The following PRKG1 variants were observed in gnomAD, a reference collection of about 807,000 sequenced individuals.
PRKG1 encodes protein kinase cGMP-dependent 1.
A neutral mutation model predicts 88.1 loss-of-function variants in PRKG1; 35 were observed. That is an observed-to-expected ratio of 0.40 (90% CI 0.30 to 0.53). PRKG1 has a LOEUF of 0.53. PRKG1 is among the 20% of genes least tolerant of loss of function. PRKG1 has a pLI of 0.59. For synonymous variants in PRKG1, 303 were observed against 292.5 expected, an observed-to-expected ratio of 1.04 and a Z score of -0.37; for missense variants, 540 against 839.8, an observed-to-expected ratio of 0.64 and a Z score of 4.41.
intron 4 of PRKG1, among the ~76,000 whole-genome samples, chr10:51,868,457 A>G (rs1001706586): frequency 6.6e-6 from 1 of 152,160 alleles, no homozygotes; most frequent in African/African-American, 2.4e-5. Flanking sequence ...TTTAATAGAT[A>G]ATATATTAAG....
chr10:51,751,628 A>G (rs900157821), intron 3 of PRKG1, among the ~76,000 whole-genome samples: 1 of 152,220 alleles, frequency 6.6e-6, no homozygotes, highest in Non-Finnish European at 1.5e-5. Context: ...TTTATTGTCT[A>G]TCTAAAATTC....
intron 5 of PRKG1, among the ~76,000 whole-genome samples, chr10:52,043,661 A>T (rs1490892520): frequency 6.6e-6 from 1 of 151,980 alleles, no homozygotes; most frequent in African/African-American, 2.4e-5. Context: ...AATAATATAT[A>T]TTTCAAAATA....
chr10:52,227,463 G>A (rs1039427777), intron 9 of PRKG1, among the ~76,000 whole-genome samples: 15 of 151,998 alleles, frequency 9.9e-5, no homozygotes, highest in African/African-American at 2.7e-4. Context: ...AACTATTTAC[G>A]TTGTAAATAA....
chr10:51,737,742 TTA>T (rs1491373093), intron 3 of PRKG1, among the ~76,000 whole-genome samples: 430 of 105,418 alleles, frequency 4.1e-3, no homozygotes, highest in African/African-American at 6.4e-3. Context: ...TATTTATTAA[TTA>T]TTATTATTAT....
intron 3 of PRKG1, among the ~76,000 whole-genome samples, chr10:51,721,212 T>TAAAAAAAAAAAAA (rs55873432): frequency 4.1e-5 from 5 of 122,038 alleles, no homozygotes; most frequent in African/African-American, 1.3e-4. Flanking sequence ...CAAGACCTAT[T>TAAAAAAAAAAAAA]AAAAAAAAAA....
intron 2 of PRKG1, among the ~76,000 whole-genome samples, chr10:51,464,420 C>G (rs1367756916): frequency 1.3e-5 from 2 of 152,238 alleles, no homozygotes; most frequent in East Asian, 1.9e-4. Context: ...GTCAAAACTG[C>G]TATTTCTCAA....
intron 3 of PRKG1, among the ~76,000 whole-genome samples, chr10:51,612,362 T>C (rs1372966382): frequency 6.6e-6 from 1 of 152,054 alleles, no homozygotes; most frequent in Non-Finnish European, 1.5e-5. Flanking sequence ...TGGTTAAATG[T>C]ATTCCTAGGT....
chr10:52,001,100 T>C (rs1364608639), intron 5 of PRKG1, among the ~76,000 whole-genome samples: 2 of 152,028 alleles, frequency 1.3e-5, no homozygotes, highest in African/African-American at 4.8e-5. Context: ...TCATGCAGTA[T>C]TTGTCTTTCT....
chr10:52,073,374 C>A (rs928786632), intron 7 of PRKG1, among the ~76,000 whole-genome samples: 3 of 152,124 alleles, frequency 2.0e-5, no homozygotes, highest in African/African-American at 7.2e-5. Context: ...TAAAGCAAAT[C>A]GCGTCATGCC....
At chr10:52,181,168 G>T (rs955151411) in intron 9 of PRKG1, among the ~76,000 whole-genome samples, 1 of 152,102 alleles carries the variant, frequency 6.6e-6, no homozygotes. Context: ...GGGTTTCACA[G>T]CTCTTGGTTC....
intron 5 of PRKG1, among the ~76,000 whole-genome samples, chr10:51,939,596 T>C (rs935527518): frequency 8.6e-5 from 13 of 151,810 alleles, no homozygotes; most frequent in Non-Finnish European, 1.9e-4. Context: ...AACTTAATTT[T>C]TTTTTTTTTA....
intron 7 of PRKG1, among the ~76,000 whole-genome samples, chr10:52,075,453 GA>G (rs896269388): frequency 6.6e-6 from 1 of 151,978 alleles, no homozygotes; most frequent in African/African-American, 2.4e-5. Flanking sequence ...GAACAATTTA[GA>G]AAAAAAGAAA....
chr10:51,758,348 A>G (rs1031611599), intron 3 of PRKG1, among the ~76,000 whole-genome samples: 1 of 152,366 alleles, frequency 6.6e-6, no homozygotes, highest in South Asian at 2.1e-4. Flanking sequence ...TATGTTTTAT[A>G]TATACAAACA....
intron 12 of PRKG1, among the ~76,000 whole-genome samples, chr10:52,272,805 G>C (rs921882062): frequency 6.6e-6 from 1 of 152,028 alleles, no homozygotes; most frequent in South Asian, 2.1e-4. Context: ...TTAGCAGAAA[G>C]AGAATTATAG....
intron 2 of PRKG1, among the ~76,000 whole-genome samples, chr10:51,417,548 A>G (rs568079846): frequency 6.6e-6 from 1 of 152,228 alleles, no homozygotes; most frequent in Non-Finnish European, 1.5e-5. Flanking sequence ...GATTAAGGTC[A>G]TAAAATGATA....
chr10:51,822,084 T>A (rs573569629), intron 4 of PRKG1, among the ~76,000 whole-genome samples: 2 of 152,134 alleles, frequency 1.3e-5, no homozygotes, highest in African/African-American at 2.4e-5. Context: ...ATAAAGAATA[T>A]GTATATATAT....
At chr10:51,053,230 CAAAT>C (rs35287792) in intron 1 of PRKG1, among the ~76,000 whole-genome samples, 3 of 142,530 alleles carry the variant, frequency 2.1e-5, no homozygotes, top group African/African-American at 8.2e-5. Flanking sequence ...ACTCTTGTCT[CAAAT>C]AAATAAATAA....
intron 2 of PRKG1, among the ~76,000 whole-genome samples, chr10:51,169,658 A>G (rs1186159079): frequency 7.5e-6 from 1 of 134,054 alleles, no homozygotes; most frequent in African/African-American, 3.5e-5. Context: ...TAGTTCAGTG[A>G]TGCCTTAGGA....
intron 1 of PRKG1, among the ~76,000 whole-genome samples, chr10:51,035,905 G>A (rs1325972666): frequency 6.6e-6 from 1 of 151,708 alleles, no homozygotes; most frequent in Non-Finnish European, 1.5e-5. Context: ...TTTATTTTCA[G>A]AAAGACAATC....
Sources: allele counts gnomAD v4.1 joint callset (sites outside exome capture counted in the v4.1 genomes callset), GRCh38; gene constraint gnomAD v4.1.1; transcripts MANE v1.5; gene names NCBI Gene and HGNC (gene_info 2026-07-23, HGNC 2026-07-21).